Variants in MYO10 observed in about 807,000 individuals in gnomAD.
The protein encoded by MYO10 is myosin X, also known as unconventional myosin-X.
In MYO10, 133 loss-of-function variants were observed where a neutral mutation model predicts 257.3. The ratio of observed to expected loss-of-function variants is 0.52; its 90% CI spans 0.45 to 0.60. The LOEUF (loss-of-function observed/expected upper bound fraction) is 0.60, where lower values mean the gene tolerates loss of function less well. Among genes scored for constraint, MYO10 ranks in the 20% least tolerant of loss-of-function variants. The pLI, the probability that MYO10 is intolerant of heterozygous loss-of-function variation, is 0.00. For missense variants in MYO10, 2,399 were observed against 2,635.7 expected, an observed-to-expected ratio of 0.91 and a Z score of 1.97; for synonymous variants, 1,104 against 1,028.6, an observed-to-expected ratio of 1.07 and a Z score of -1.40.
At chr5:16,806,642 C>T (rs1324997818) in intron 3 of MYO10, among the ~76,000 whole-genome samples, 9 of 95,652 alleles carry the variant, frequency 9.4e-5, no homozygotes, top group African/African-American at 3.9e-4. Flanking sequence ...AGCAAGACTC[C>T]GTCTCAAAAA....
chr5:16,812,774 C>T (rs1036878706), intron 3 of MYO10, among the ~76,000 whole-genome samples: 13 of 152,058 alleles, frequency 8.5e-5, no homozygotes, highest in African/African-American at 2.9e-4. Flanking sequence ...TAAAACATCC[C>T]TGTTAAGAGG....
intron 2 of MYO10, among the ~76,000 whole-genome samples, chr5:16,863,108 A>C (rs1441148083): frequency 6.6e-6 from 1 of 152,250 alleles, no homozygotes; most frequent in Non-Finnish European, 1.5e-5. Context: ...AGGAAGATCC[A>C]CTAAGAAGAA....
At chr5:16,714,812 G>T (rs1418479997) in intron 19 of MYO10, among the ~76,000 whole-genome samples, 2 of 152,068 alleles carry the variant, frequency 1.3e-5, no homozygotes, top group African/African-American at 4.8e-5. Flanking sequence ...GACAGAGCGA[G>T]AAAACAACAA....
chr5:16,807,734 C>A (rs569560889), intron 3 of MYO10, among the ~76,000 whole-genome samples: 2 of 152,096 alleles, frequency 1.3e-5, no homozygotes, highest in Non-Finnish European at 2.9e-5. Context: ...TCCTTCTTGG[C>A]CAAATTCCTC....
chr5:16,776,772 G>A (rs779988462), intron 9 of MYO10, among the ~76,000 whole-genome samples: 5 of 152,166 alleles, frequency 3.3e-5, no homozygotes, highest in Non-Finnish European at 5.9e-5. Context: ...GAGTACCAAC[G>A]GAGTATCTGA....
At chr5:16,863,478 C>T (rs990672349) in intron 2 of MYO10, among the ~76,000 whole-genome samples, 5 of 152,226 alleles carry the variant, frequency 3.3e-5, no homozygotes, top group African/African-American at 1.2e-4. Context: ...AACAGAAATG[C>T]TGTGTACCTT....
chr5:16,867,397 G>A lies in MYO10; in HGVS notation c.120+10212C>T, dbSNP rs568009368. ...TGTGCAGATGGTGTACTGAACAGGAGGGTGTGAAAAGGTCAAAAGGTCGCC... is the reference window on the plus strand; with the variant it reads ...TGTGCAGATGGTGTACTGAACAGGAAGGTGTGAAAAGGTCAAAAGGTCGCC... On this transcript the variant is annotated intron_variant, in intron 2 of 40. Coordinates refer to ENST00000513610, the MANE Select transcript of MYO10 (RefSeq NM_012334.3). 1.2e-4 allele frequency among the ~76,000 whole-genome samples: 19 copies of A among 152,132 alleles called. No individual in the cohort carries two copies. In the South Asian group the frequency reaches 3.9e-3, roughly 32 times the overall value.
At chr5:16,926,039 G>T (rs773257061) in intron 1 of MYO10, among the ~76,000 whole-genome samples, 33 of 152,094 alleles carry the variant, frequency 2.2e-4, no homozygotes, top group Non-Finnish European at 4.6e-4. Flanking sequence ...AGGATAATTT[G>T]AATATCCCTA....
At chr5:16,704,447 T>C (rs1454925577) in intron 22 of MYO10, 132 bp downstream of exon 22, 11 of 675,540 alleles carry the variant, frequency 1.6e-5, no homozygotes, top group Non-Finnish European at 2.7e-5. Flanking sequence ...GTTTCGGGAG[T>C]GGCTGCTTAG....
intron 19 of MYO10, among the ~76,000 whole-genome samples, chr5:16,727,449 C>G (rs1169474265): frequency 6.6e-6 from 1 of 152,156 alleles, no homozygotes; most frequent in African/African-American, 2.4e-5. Context: ...AACACATATT[C>G]CTTTTCATAA....
At chr5:16,733,589 G>A (rs992932781) in intron 19 of MYO10, among the ~76,000 whole-genome samples, 2 of 149,270 alleles carry the variant, frequency 1.3e-5, no homozygotes, top group Non-Finnish European at 3.0e-5. Context: ...GGGTATTGGT[G>A]AGCTGCGCAT....
In MYO10 at chr5:16,736,238, G is replaced by A. The variant is rs937783065; in HGVS notation, c.1929+18590C>T. 3.3e-5 allele frequency among the ~76,000 whole-genome samples: 5 copies of A among 152,202 alleles called. No individual in the cohort carries two copies. In the South Asian group the frequency reaches 1.0e-3, roughly 32 times the overall value. The stretch of plus-strand genomic sequence containing the variant: ...AGGTGAGAAGTGGAGAACAAGCGGC[G>A]ATTGTACTGTAGTTAATTATTTTAA... On this transcript the variant is annotated intron_variant, in intron 19 of 40. Coordinates refer to ENST00000513610, the MANE Select transcript of MYO10 (RefSeq NM_012334.3).
intron 1 of MYO10, among the ~76,000 whole-genome samples, chr5:16,901,458 C>T (rs1015862543): frequency 2.0e-4 from 31 of 152,154 alleles, no homozygotes; most frequent in African/African-American, 6.8e-4. Flanking sequence ...TCAGTATAAA[C>T]TCCACCCATC....
At chr5:16,917,034 T>C (rs1038491338) in intron 1 of MYO10, among the ~76,000 whole-genome samples, 1 of 152,124 alleles carries the variant, frequency 6.6e-6, no homozygotes, top group African/African-American at 2.4e-5. Flanking sequence ...AACTCAAAGT[T>C]GAGAAGGCCT....
chr5:16,877,814 T>A, intron 1 of MYO10, 107 bp from the exon 2 acceptor site: 1 of 813,564 alleles, frequency 1.2e-6, no homozygotes, highest in Non-Finnish European at 2.0e-6. Context: ...AAAAATCTTC[T>A]TGAAAAGTAA....
At chr5:16,836,667 A>T (rs1317631900) in intron 2 of MYO10, among the ~76,000 whole-genome samples, 7 of 152,236 alleles carry the variant, frequency 4.6e-5, no homozygotes, top group Non-Finnish European at 1.5e-5. Flanking sequence ...GGATTTTTTT[A>T]AAACTTAAAA....
chr5:16,886,932 C>CA (rs75535220), intron 1 of MYO10, among the ~76,000 whole-genome samples: 3,126 of 101,734 alleles, frequency 0.031, 55 homozygotes, highest in Middle Eastern at 0.071. Flanking sequence ...ACTCCATCTC[C>CA]AAAAAAAAAA....
chr5:16,872,440 G>C lies in MYO10; in HGVS notation c.120+5169C>G, dbSNP rs146658598. ...AGTGCTGCAAGATGAAAACATTCTT[G>C]AGATCTGCCACACAACAATGTGAAT... On this transcript the variant is annotated intron_variant, in intron 2 of 40. Coordinates refer to ENST00000513610, the MANE Select transcript of MYO10 (RefSeq NM_012334.3). Among the ~76,000 whole-genome samples the C allele has an allele frequency of 7.2e-3, 1,091 of 152,206 alleles. 11 individuals are homozygous for C. Among genetic ancestry groups the C allele is most frequent in the African/African-American group, 0.025 (1,025 of 41,534 alleles).
At chr5:16,675,989 A>T in intron 34 of MYO10, 42 bp downstream of exon 34, 5 of 1,571,598 alleles carry the variant, frequency 3.2e-6, no homozygotes, top group Non-Finnish European at 4.3e-6. Flanking sequence ...GGGCAAGTGG[A>T]ATCATGGTCT....
Sources: allele counts gnomAD v4.1 joint callset (sites outside exome capture counted in the v4.1 genomes callset), GRCh38; gene constraint gnomAD v4.1.1; transcripts MANE v1.5; gene names NCBI Gene and HGNC (gene_info 2026-07-23, HGNC 2026-07-21).